The following RABL3 variants were observed in gnomAD, a reference collection of about 807,000 sequenced individuals.
RABL3 encodes RAB, member of RAS oncogene family like 3.
RABL3 carries 31 observed loss-of-function variants against 31.8 expected under a neutral mutation model. That is an observed-to-expected ratio of 0.97 (90% CI 0.73 to 1.31). The LOEUF is 1.31. Among genes scored for constraint, RABL3 ranks in the 40% most tolerant of loss-of-function variants. The pLI is 0.00. For synonymous variants in RABL3, 97 were observed against 99.9 expected, an observed-to-expected ratio of 0.97 and a Z score of 0.18; for missense variants, 263 against 279.6, an observed-to-expected ratio of 0.94 and a Z score of 0.42.
chr3:120,699,896 T>C (rs1413402564), intron 4 of RABL3, among the ~76,000 whole-genome samples: 2 of 152,160 alleles, frequency 1.3e-5, no homozygotes, highest in Non-Finnish European at 2.9e-5. Context: ...AAAGCTACAA[T>C]TCGCTTTGTT....
chr3:120,694,346 A>G, intron 5 of RABL3, 122 bp from the exon 6 acceptor site: 1 of 589,334 alleles, frequency 1.7e-6, no homozygotes. Flanking sequence ...TACTCTCACA[A>G]AATATTCAAA....
chr3:120,707,260 G>A (rs572146106), intron 3 of RABL3, among the ~76,000 whole-genome samples: 2 of 151,986 alleles, frequency 1.3e-5, no homozygotes, highest in East Asian at 3.9e-4. Context: ...CATCTCTTCT[G>A]GTGTCTGAAA....
At chr3:120,742,669 G>A (rs1709063596), upstream of RABL3, 5 of 699,972 alleles carry the variant, frequency 7.1e-6, no homozygotes, top group Non-Finnish European at 1.0e-5. Context: ...AAAGGTAGCG[G>A]GGTGCTTCCC....
chr3:120,707,206 T>C (rs1008837619), intron 3 of RABL3, among the ~76,000 whole-genome samples: 9 of 152,142 alleles, frequency 5.9e-5, no homozygotes, highest in Non-Finnish European at 1.3e-4. Flanking sequence ...AAAGGGCTTG[T>C]ACAAGCTATA....
At chr3:120,703,077 A>G (rs995192897) in intron 4 of RABL3, among the ~76,000 whole-genome samples, 15 of 152,212 alleles carry the variant, frequency 9.9e-5, no homozygotes, top group Admixed American at 8.5e-4. Flanking sequence ...AAGCAACCCC[A>G]TGAAGTAGTT....
chr3:120,732,699 G>A (rs1002133824), intron 1 of RABL3, among the ~76,000 whole-genome samples: 3 of 151,138 alleles, frequency 2.0e-5, no homozygotes, highest in Non-Finnish European at 2.9e-5. Flanking sequence ...GTCTCCCAGT[G>A]CTATCCCTCC....
At chr3:120,699,617 T>G (rs1321557458) in intron 4 of RABL3, among the ~76,000 whole-genome samples, 1 of 152,172 alleles carries the variant, frequency 6.6e-6, no homozygotes, top group Non-Finnish European at 1.5e-5. Flanking sequence ...GAGCATAGCT[T>G]TTTTTCTTCC....
intron 1 of RABL3, among the ~76,000 whole-genome samples, chr3:120,741,869 G>T (rs140809870): frequency 4.5e-4 from 69 of 152,300 alleles, no homozygotes; most frequent in Middle Eastern, 3.4e-3. Context: ...TACCCAATAT[G>T]TCACTGCATA....
chr3:120,725,177 C>CAAAA (rs1181927108), intron 2 of RABL3, among the ~76,000 whole-genome samples: 2 of 152,068 alleles, frequency 1.3e-5, no homozygotes, highest in Non-Finnish European at 2.9e-5. Context: ...ATTTATGCAG[C>CAAAA]CAAAAGACAC....
intron 1 of RABL3, among the ~76,000 whole-genome samples, chr3:120,737,153 C>T (rs1259813780): frequency 6.6e-6 from 1 of 152,246 alleles, no homozygotes; most frequent in Non-Finnish European, 1.5e-5. Context: ...CTGTCACTTT[C>T]AGGTACACCA....
At chr3:120,715,341 C>A (rs1380181186) in intron 2 of RABL3, among the ~76,000 whole-genome samples, 2 of 152,104 alleles carry the variant, frequency 1.3e-5, no homozygotes, top group East Asian at 3.8e-4. Flanking sequence ...GAGTTTGAGA[C>A]CAGCCTGGCC....
At chr3:120,698,049 A>AG (rs1381070776) in intron 5 of RABL3, among the ~76,000 whole-genome samples, 4 of 152,210 alleles carry the variant, frequency 2.6e-5, no homozygotes, top group Admixed American at 1.3e-4. Context: ...CTGTAATCCC[A>AG]GCTACTCAGG....
chr3:120,732,380 T>A (rs941713760), intron 1 of RABL3, among the ~76,000 whole-genome samples: 3 of 152,186 alleles, frequency 2.0e-5, no homozygotes, highest in African/African-American at 7.2e-5. Flanking sequence ...CCTGTACATT[T>A]TCCTAGAGAG....
chr3:120,701,766 A>T (rs1352846156), intron 4 of RABL3, among the ~76,000 whole-genome samples: 2 of 152,242 alleles, frequency 1.3e-5, no homozygotes, highest in Non-Finnish European at 2.9e-5. Flanking sequence ...ACAGAAAACA[A>T]AGCCTTTGAA....
intron 2 of RABL3, among the ~76,000 whole-genome samples, chr3:120,727,494 T>G (rs1010766873): frequency 6.6e-6 from 1 of 152,090 alleles, no homozygotes. Context: ...CCAGATGGTT[T>G]CACCTGTGAA....
chr3:120,740,044 T>G (rs1709022700), intron 1 of RABL3, among the ~76,000 whole-genome samples: 1 of 152,156 alleles, frequency 6.6e-6, no homozygotes, highest in Admixed American at 6.5e-5. Context: ...TAGAACTAAA[T>G]TTGATCAAAA....
chr3:120,704,876 C>A (rs1708531723), intron 4 of RABL3, among the ~76,000 whole-genome samples: 1 of 152,040 alleles, frequency 6.6e-6, no homozygotes, highest in African/African-American at 2.4e-5. Context: ...GAAACCCTGT[C>A]TCTGCCAAAA....
chr3:120,719,410 A>G (rs1196265400), intron 2 of RABL3, among the ~76,000 whole-genome samples: 1 of 152,230 alleles, frequency 6.6e-6, no homozygotes, highest in Non-Finnish European at 1.5e-5. Flanking sequence ...GCATCGCCTC[A>G]CCTGGGAAGC....
At chr3:120,725,936 T>A (rs1708814323) in intron 2 of RABL3, among the ~76,000 whole-genome samples, 1 of 152,090 alleles carries the variant, frequency 6.6e-6, no homozygotes, top group Non-Finnish European at 1.5e-5. Context: ...ACCCTAAAAC[T>A]TAAAGTATAA....
Sources: gnomAD v4.1 joint callset for allele counts (sites outside exome capture counted in the v4.1 genomes callset) on GRCh38, gnomAD v4.1.1 for gene constraint, MANE v1.5 for transcripts, NCBI Gene and HGNC (gene_info 2026-07-23, HGNC 2026-07-21) for gene names.